The following NPAS3 variants were observed in gnomAD, a reference collection of about 807,000 sequenced individuals.
NPAS3 encodes neuronal PAS domain protein 3, also known as neuronal PAS domain-containing protein 3.
Under a neutral mutation model 73.1 loss-of-function variants are expected in NPAS3, and 14 were observed. The observed-to-expected ratio is 0.19, with a 90% CI of 0.13 to 0.30. The LOEUF (loss-of-function observed/expected upper bound fraction) is 0.30. Among genes scored for constraint, NPAS3 ranks in the 10% least tolerant of loss-of-function variants. The pLI, the probability that NPAS3 is intolerant of heterozygous loss-of-function variation, is 1.00. For synonymous variants in NPAS3, 620 were observed against 541.5 expected, an observed-to-expected ratio of 1.14 and a Z score of -2.01; for missense variants, 1,096 against 1,250.0, an observed-to-expected ratio of 0.88 and a Z score of 1.86.
In NPAS3 at chr14:33,461,144, A is replaced by G. The variant is rs568635680; in HGVS notation, c.468+93876A>G. Among the ~76,000 whole-genome samples the G allele has an allele frequency of 2.6e-5, 4 of 152,316 alleles. No homozygotes were observed. In the East Asian group the frequency reaches 5.8e-4, roughly 22 times the overall value. ...ATTTACTTAGGGCCTGCGAGGCTTT[A>G]TTTAAAATAACAATTTTTGTTTAAT... On this transcript the variant is annotated intron_variant, in intron 4 of 11. Coordinates refer to ENST00000356141, the Ensembl canonical transcript of NPAS3.
At chr14:33,358,508 C>A (rs1179572062) in intron 3 of NPAS3, among the ~76,000 whole-genome samples, 1 of 152,076 alleles carries the variant, frequency 6.6e-6, no homozygotes, top group Non-Finnish European at 1.5e-5. Flanking sequence ...GGGTCCTGGC[C>A]ATGATAGTGC....
At chr14:33,726,003 C>T (rs936700082) in intron 6 of NPAS3, among the ~76,000 whole-genome samples, 1 of 152,134 alleles carries the variant, frequency 6.6e-6, no homozygotes, top group South Asian at 2.1e-4. Flanking sequence ...CTCTTTATTT[C>T]CCCCATTTCA....
intron 1 of NPAS3, among the ~76,000 whole-genome samples, chr14:32,959,744 C>T (rs907856533): frequency 2.0e-5 from 3 of 152,062 alleles, no homozygotes; most frequent in Non-Finnish European, 2.9e-5. Context: ...TACTTTGTGT[C>T]GAGATTCCCG....
intron 4 of NPAS3, among the ~76,000 whole-genome samples, chr14:33,407,714 T>C (rs2047730641): frequency 6.6e-6 from 1 of 152,142 alleles, no homozygotes; most frequent in Non-Finnish European, 1.5e-5. Flanking sequence ...TCTCATTTTT[T>C]TTCCCTCTCT....
intron 3 of NPAS3, among the ~76,000 whole-genome samples, chr14:33,221,377 T>A (rs2047421040): frequency 6.6e-6 from 1 of 152,146 alleles, no homozygotes; most frequent in African/African-American, 2.4e-5. Flanking sequence ...ATTTCACAGA[T>A]AGAAGATGAA....
chr14:33,000,702 A>G (rs1566450961), intron 1 of NPAS3, among the ~76,000 whole-genome samples: 5 of 152,256 alleles, frequency 3.3e-5, no homozygotes, highest in Admixed American at 3.3e-4. Flanking sequence ...ATAAACATAA[A>G]AACATAGTCA....
intron 1 of NPAS3, among the ~76,000 whole-genome samples, chr14:33,038,223 C>T (rs1202618149): frequency 6.6e-6 from 1 of 152,058 alleles, no homozygotes; most frequent in East Asian, 1.9e-4. Flanking sequence ...CTTTAATTTC[C>T]ATCTCTTTAT....
intron 3 of NPAS3, among the ~76,000 whole-genome samples, chr14:33,302,459 G>A (rs2042590418): frequency 6.6e-6 from 1 of 152,128 alleles, no homozygotes. Flanking sequence ...ATTGTAACAT[G>A]GGTAAAAAAC....
At chr14:32,990,391 G>T (rs1017140011) in intron 1 of NPAS3, among the ~76,000 whole-genome samples, 1 of 152,108 alleles carries the variant, frequency 6.6e-6, no homozygotes, top group Non-Finnish European at 1.5e-5. Flanking sequence ...AAAGATAAGT[G>T]GCACAAACAA....
In NPAS3 at chr14:33,525,089, T is replaced by C. The variant is rs17101445; in HGVS notation, c.469-35032T>C. 2.1e-3 allele frequency among the ~76,000 whole-genome samples: 323 copies of C among 152,304 alleles called. 2 individuals carry two copies. The highest frequency in any genetic ancestry group is 7.5e-3 in the African/African-American group (310 of 41,568). On this transcript the variant is annotated intron_variant, in intron 4 of 11. Transcript: ENST00000356141. ...CAAATGACTGACTAATCTCAAGGCA[T>C]AGTAATTGGTTTTGTGTTAAATGTA...
At chr14:33,332,506 A>G (rs28683573) in intron 3 of NPAS3, among the ~76,000 whole-genome samples, 3,037 of 152,288 alleles carry the variant, frequency 0.02, 117 homozygotes, top group African/African-American at 0.069. Context: ...TAGATGTTTC[A>G]ACCATGTACA....
intron 2 of NPAS3, among the ~76,000 whole-genome samples, chr14:33,100,426 A>G (rs772596245): frequency 6.6e-6 from 1 of 152,184 alleles, no homozygotes; most frequent in Non-Finnish European, 1.5e-5. Flanking sequence ...TATAGTCATC[A>G]TTTTTTAAGG....
intron 5 of NPAS3, chr14:33,611,001 A>G (rs1158778787): frequency 1.3e-5 from 2 of 152,228 alleles, no homozygotes; most frequent in Non-Finnish European, 2.9e-5. Flanking sequence ...TGTATGCAAG[A>G]AACGTTTTAC....
intron 3 of NPAS3, among the ~76,000 whole-genome samples, chr14:33,301,237 A>C (rs1202399944): frequency 6.7e-6 from 1 of 148,462 alleles, no homozygotes; most frequent in Non-Finnish European, 1.5e-5. Flanking sequence ...ACGCTGCCTG[A>C]GCTTCCTGAA....
chr14:33,249,944 A>G (rs1412436118), intron 3 of NPAS3, among the ~76,000 whole-genome samples: 2 of 151,350 alleles, frequency 1.3e-5, no homozygotes, highest in African/African-American at 2.4e-5. Flanking sequence ...ACACCCCTAC[A>G]TACACATATA....
intron 3 of NPAS3, among the ~76,000 whole-genome samples, chr14:33,347,764 A>G (rs2044814894): frequency 6.6e-6 from 1 of 152,244 alleles, no homozygotes; most frequent in African/African-American, 2.4e-5. Context: ...TAGATTACTT[A>G]TAACACCCAA....
rs764818362 is a variant in NPAS3 at position 33,800,360 on chromosome 14, C to T, written c.2053C>T (p.Pro685Ser). The T allele has an allele frequency of 1.9e-6, 3 of 1,611,634 alleles. No individual in the cohort carries two copies. The highest frequency in any genetic ancestry group is 2.2e-5 in the East Asian group (1 of 44,712). Reference sequence around the variant, plus strand: ...CGAGTCCCCCTACAGCATGACCAAGCCCCCCAGCTCTGAGCACTTCCCGTC... The same window carrying T: ...CGAGTCCCCCTACAGCATGACCAAGTCCCCCAGCTCTGAGCACTTCCCGTC... Residue 685 changes from proline (P) to serine (S), a missense_variant, in exon 12 of 12, where the codon CCC (proline) becomes TCC (serine). Pro to Ser is a moderately conservative substitution (Grantham distance 74). This residue lies in a region of NPAS3 where 698 missense variants were observed against 676.7 expected (regional missense o/e 1.03). Coordinates refer to ENST00000356141, the Ensembl canonical transcript of NPAS3. The surrounding 1 kb of genome is among the most constrained non-coding windows in gnomAD (Gnocchi z 6.5).
At chr14:33,558,445 GATGGGGTTTCCACC>G (rs1567002337) in intron 4 of NPAS3, among the ~76,000 whole-genome samples, 2 of 152,046 alleles carry the variant, frequency 1.3e-5, no homozygotes, top group African/African-American at 4.8e-5. Flanking sequence ...TTTTAGTAGA[GATGGGGTTTCCACC>G]ATGTTGGCCA....
At chr14:33,547,523 G>T (rs1379372395) in intron 4 of NPAS3, among the ~76,000 whole-genome samples, 3 of 152,146 alleles carry the variant, frequency 2.0e-5, no homozygotes, top group South Asian at 4.1e-4. Flanking sequence ...AATACATTTA[G>T]AGTAGGATTT....
Sources: allele counts gnomAD v4.1 joint callset (sites outside exome capture counted in the v4.1 genomes callset), GRCh38; gene constraint gnomAD v4.1.1; regional missense constraint gnomAD v4.1.1; non-coding constraint Gnocchi (gnomAD v3.1); transcripts MANE v1.5; gene names NCBI Gene and HGNC (gene_info 2026-07-23, HGNC 2026-07-21).